CFAP58: variants seen among roughly 807,000 people sequenced by gnomAD.
The protein encoded by CFAP58 is cilia- and flagella-associated protein 58.
A neutral mutation model predicts 119.5 loss-of-function variants in CFAP58; 88 were observed. The observed-to-expected ratio is 0.74, with a 90% CI of 0.62 to 0.88. CFAP58 has a LOEUF of 0.88. Ranked by LOEUF, CFAP58 falls within the 40% of genes least tolerant of loss-of-function variation. CFAP58 has a pLI of 0.00. For missense variants in CFAP58, 990 were observed against 1,021.2 expected (o/e 0.97, Z 0.42); for synonymous variants, 365 against 366.3 (o/e 1.00, Z 0.04).
At position 104,453,444 on chromosome 10, in the gene CFAP58, C is replaced by A. The variant is rs548424105; in HGVS notation, c.2511-978C>A. ...AAATAGCAACTCTTATCATTTTGTA[C>A]CTTTTACCTTCTTTTGTTTTTCTTA... On this transcript the variant is annotated intron_variant, in intron 17 of 17. Coordinates refer to ENST00000369704, the MANE Select transcript of CFAP58 (RefSeq NM_001008723.2). 7.2e-5 allele frequency among the ~76,000 whole-genome samples: 11 copies of A among 152,262 alleles called. No homozygotes were observed. The East Asian group carries it at 1.2e-3, about 16-fold the overall frequency.
intron 17 of CFAP58, among the ~76,000 whole-genome samples, chr10:104,450,487 T>C (rs1328832214): frequency 6.6e-6 from 1 of 152,150 alleles, no homozygotes; most frequent in African/African-American, 2.4e-5. Context: ...CTCCCCACAC[T>C]AGTCTATGGT....
chr10:104,412,235 G>C (rs1189886369), intron 15 of CFAP58, among the ~76,000 whole-genome samples: 3 of 151,898 alleles, frequency 2.0e-5, no homozygotes, highest in African/African-American at 7.3e-5. Context: ...CCATAAGTTG[G>C]GGACAATAAT....
chr10:104,357,922 TACACATATACAC>T (rs1268585202), intron 1 of CFAP58, among the ~76,000 whole-genome samples: 7 of 113,020 alleles, frequency 6.2e-5, no homozygotes, highest in South Asian at 2.4e-4. Flanking sequence ...CACATATATG[TACACATATACAC>T]ACATATATGT....
chr10:104,356,705 A>G (rs1027065996), intron 1 of CFAP58, among the ~76,000 whole-genome samples: 3 of 151,978 alleles, frequency 2.0e-5, no homozygotes, highest in African/African-American at 7.2e-5. Flanking sequence ...TGCTGGGAAT[A>G]ATTCTCTTTC....
At chr10:104,365,158 T>C (rs1304906755) in intron 4 of CFAP58, among the ~76,000 whole-genome samples, 1 of 152,120 alleles carries the variant, frequency 6.6e-6, no homozygotes, top group African/African-American at 2.4e-5. Flanking sequence ...AAAAAGATGA[T>C]CTCCATGAAG....
At chr10:104,341,962 A>G in the CFAP58 span, among the ~76,000 whole-genome samples, 5 of 152,216 alleles carry the variant, frequency 3.3e-5, no homozygotes, top group African/African-American at 9.6e-5. Flanking sequence ...TATTCTTTTT[A>G]AAAATTATAA....
chr10:104,382,715 G>A (rs2011838619), intron 9 of CFAP58, among the ~76,000 whole-genome samples: 1 of 152,168 alleles, frequency 6.6e-6, no homozygotes, highest in African/African-American at 2.4e-5. Flanking sequence ...GGTTTTATAA[G>A]TGTTTAGAAG....
intron 16 of CFAP58, among the ~76,000 whole-genome samples, chr10:104,448,741 T>C (rs987491000): frequency 6.6e-6 from 1 of 152,278 alleles, no homozygotes; most frequent in Non-Finnish European, 1.5e-5. Context: ...TTTCAATTTG[T>C]CACTCTGAAT....
At chr10:104,356,058 C>T (rs918525802) in intron 1 of CFAP58, among the ~76,000 whole-genome samples, 6 of 152,132 alleles carry the variant, frequency 3.9e-5, no homozygotes, top group Non-Finnish European at 8.8e-5. Context: ...GCAGCAACAC[C>T]GTATTTCCTT....
At chr10:104,429,045 T>G (rs1589932996) in intron 15 of CFAP58, among the ~76,000 whole-genome samples, 1 of 152,174 alleles carries the variant, frequency 6.6e-6, no homozygotes, top group African/African-American at 2.4e-5. Context: ...TTTGTTGAAT[T>G]CGTAGCAGCT....
chr10:104,444,227 G>T lies in CFAP58; in HGVS notation c.2257-3471G>T, dbSNP rs181594731. Among the ~76,000 whole-genome samples, 15 of 152,330 alleles carry T rather than the reference G, an allele frequency of 9.8e-5. No homozygotes were observed. In the East Asian group the frequency reaches 2.9e-3, roughly 29 times the overall value. Reference sequence around the variant, plus strand: ...GAAGATGCAATCTTTTGTTGGTGGGGAAATAATATCCTCTTTATGATATTC... The same window carrying T: ...GAAGATGCAATCTTTTGTTGGTGGGTAAATAATATCCTCTTTATGATATTC... On this transcript the variant is annotated intron_variant, in intron 15 of 17. Coordinates refer to ENST00000369704, the MANE Select transcript of CFAP58 (RefSeq NM_001008723.2).
In CFAP58 at chr10:104,434,786, C is replaced by T. The variant is rs73335195; in HGVS notation, c.2257-12912C>T. Among the ~76,000 whole-genome samples, 779 of 152,268 alleles carry T rather than the reference C, an allele frequency of 5.1e-3. 7 individuals carry two copies. Among genetic ancestry groups the T allele is most frequent in the African/African-American group, 0.018 (741 of 41,550 alleles). ...TCACTTGTAACTGTCAAGAATTGCT[C>T]TTATCACAACATCCTGTTGAGTCAC... On this transcript the variant is annotated intron_variant, in intron 15 of 17. Transcript: ENST00000369704.
chr10:104,398,896 T>A lies in CFAP58; in HGVS notation c.1675-464T>A, dbSNP rs964213853. The stretch of plus-strand genomic sequence containing the variant: ...AGTTATTATCTTTGACTAGTTTAAT[T>A]TTGCTTACAAAGGGCTTTACCTTTG... On this transcript the variant is annotated intron_variant, in intron 11 of 17. Coordinates refer to ENST00000369704, the MANE Select transcript of CFAP58 (RefSeq NM_001008723.2). Among the ~76,000 whole-genome samples the A allele has an allele frequency of 2.0e-5, 3 of 152,296 alleles. No individual in the cohort carries two copies. In the East Asian group the frequency reaches 5.8e-4, roughly 29 times the overall value.
rs560084316 is a variant in CFAP58, at chr10:104,409,094, C to T, written c.2256+2301C>T. Among the ~76,000 whole-genome samples, 450 of 59,438 alleles carry T rather than the reference C, an allele frequency of 7.6e-3. 3 individuals are homozygous for T. The highest frequency in any genetic ancestry group is 0.029 in the African/African-American group (425 of 14,508). 39.0% of individuals were successfully genotyped at this position (59,438 alleles called of 152,430 possible). On this transcript the variant is annotated intron_variant, in intron 15 of 17. Transcript: ENST00000369704. ...CAGCCTAGGTGACAGTGTGAGACCC[C>T]GTCTCATAAAAAAAAAAATTATTTA...
intron 15 of CFAP58, among the ~76,000 whole-genome samples, chr10:104,446,634 C>T (rs1165825068): frequency 6.6e-6 from 1 of 152,146 alleles, no homozygotes; most frequent in Non-Finnish European, 1.5e-5. Context: ...TTGTGCTTAC[C>T]ACAATTATCT....
the CFAP58 span, among the ~76,000 whole-genome samples, chr10:104,341,328 C>A: frequency 6.6e-6 from 1 of 151,676 alleles, no homozygotes; most frequent in African/African-American, 2.4e-5. Flanking sequence ...AGGAAATGAA[C>A]CACATGAGGG....
upstream of CFAP58, among the ~76,000 whole-genome samples, chr10:104,352,725 T>C (rs1001615557): frequency 3.9e-5 from 6 of 152,302 alleles, no homozygotes; most frequent in Admixed American, 3.9e-4. Context: ...TATTGGAGAA[T>C]TAGAGGCGGC....
rs558421017 is a variant in CFAP58, at chr10:104,375,069, AACTC to A, written c.1091-1740_1091-1737del. ...CAATAAGCTTCTGTTTTGGGGGAAA[AACTC>A]AACACCAAATGTTGAAACCATAAAA... On this transcript the variant is annotated intron_variant, in intron 7 of 17. Coordinates refer to ENST00000369704, the MANE Select transcript of CFAP58 (RefSeq NM_001008723.2). 2.7e-4 allele frequency among the ~76,000 whole-genome samples: 41 copies of A among 151,656 alleles called. No homozygotes were observed. The East Asian group carries it at 7.2e-3, about 26-fold the overall frequency.
rs140999253 is a variant in CFAP58 at position 104,393,416 on chromosome 10, G to A, written c.1615G>A (p.Ala539Thr). The A allele has an allele frequency of 2.5e-5, 40 of 1,613,884 alleles. No homozygotes were observed. Among genetic ancestry groups the A allele is most frequent in the African/African-American group, 9.3e-5 (7 of 74,920 alleles). ...LKEDISAKES[A>T]LVKLHLEQQR... ...AGAAGACATCTCTGCCAAAGAGTCC[G>A]CACTTGTGAAGCTGCACCTGGAACA... The change falls in exon 11 of 18, where the codon GCA becomes ACA. Residue 539 changes from alanine (A) to threonine (T), a missense_variant. Ala to Thr is a moderately conservative substitution (Grantham distance 58). Transcript: ENST00000369704.
Sources: allele counts gnomAD v4.1 joint callset (sites outside exome capture counted in the v4.1 genomes callset), GRCh38; gene constraint gnomAD v4.1.1; transcripts MANE v1.5; gene names NCBI Gene and HGNC (gene_info 2026-07-23, HGNC 2026-07-21).